Variants in HELZ observed in about 807,000 individuals in gnomAD.
HELZ encodes the protein helicase with zinc finger, also known as ATP-dependent RNA helicase with zinc finger domain.
A neutral mutation model predicts 218.2 loss-of-function variants in HELZ; 23 were observed. That is an observed-to-expected ratio of 0.11 (90% CI 0.08 to 0.15). The LOEUF (loss-of-function observed/expected upper bound fraction) is 0.15. Ranked by LOEUF, HELZ falls within the 10% of genes least tolerant of loss-of-function variation. HELZ has a pLI of 1.00. For synonymous variants in HELZ, 814 were observed against 829.4 expected, an observed-to-expected ratio of 0.98 and a Z score of 0.32; for missense variants, 1,813 against 2,353.7, an observed-to-expected ratio of 0.77 and a Z score of 4.75.
At chr17:67,215,585 G>A (rs867853108) in intron 5 of HELZ, among the ~76,000 whole-genome samples, 6 of 152,102 alleles carry the variant, frequency 3.9e-5, no homozygotes, top group African/African-American at 1.4e-4. Flanking sequence ...CAGATCTTGT[G>A]ATCTGCCCGC....
intron 17 of HELZ, among the ~76,000 whole-genome samples, chr17:67,151,479 G>T (rs2038681058): frequency 6.6e-6 from 1 of 152,174 alleles, no homozygotes; most frequent in Admixed American, 6.5e-5. Context: ...TTATTTTTAA[G>T]TGTTCAGAGT....
At chr17:67,139,893 G>A (rs2038269339) in intron 21 of HELZ, among the ~76,000 whole-genome samples, 1 of 152,146 alleles carries the variant, frequency 6.6e-6, no homozygotes, top group South Asian at 2.1e-4. Flanking sequence ...CCTATGATAA[G>A]CAGTTGGTAG....
At position 67,178,938 on chromosome 17, in the gene HELZ, C is replaced by T. The variant is rs1233090243; in HGVS notation, c.1163-12G>A. ...CAGGTATTCGAGATCTAAATGGAAA[C>T]AAAAAACACATTTATAAAGAAACAG... On this transcript the variant is annotated splice_polypyrimidine_tract_variant and intron_variant, in intron 12 of 32. Coordinates refer to ENST00000358691, the MANE Select transcript of HELZ (RefSeq NM_014877.4). 6.5e-7 allele frequency: 1 copy of T among 1,539,056 alleles called. No homozygotes were observed. The highest frequency in any genetic ancestry group is 1.4e-5 in the African/African-American group (1 of 71,904).
chr17:67,206,584 T>C (rs2040302481), intron 5 of HELZ, among the ~76,000 whole-genome samples: 1 of 151,112 alleles, frequency 6.6e-6, no homozygotes, highest in Non-Finnish European at 1.5e-5. Flanking sequence ...TTCAGTAATA[T>C]GACCATATTA....
rs1047516928 is a variant in HELZ, at chr17:67,224,754, G to A, written c.-18-5932C>T. ...TGGTGAACGTTGCTAAAACCCGCCG[G>A]ACTTTCTGTAAGAAGTGTGGCAAGC... is the stretch of plus-strand genomic sequence containing the variant. On this transcript the variant is annotated intron_variant, in intron 3 of 32. Transcript: ENST00000358691. 1.8e-5 allele frequency: 21 copies of A among 1,157,424 alleles called. No individual in the cohort carries two copies. The African/African-American group carries it at 3.2e-4, about 18-fold the overall frequency. 71.7% of individuals were successfully genotyped at this position (1,157,424 alleles called of 1,614,324 possible). A position where few individuals can be genotyped will look rare whatever the true frequency, so the allele number is the denominator to read the frequency against.
chr17:67,095,534 CA>C (rs2036716789), intron 31 of HELZ, among the ~76,000 whole-genome samples: 1 of 152,180 alleles, frequency 6.6e-6, no homozygotes, highest in East Asian at 1.9e-4. Context: ...GGTGACGAAG[CA>C]AGACCCTTCT....
chr17:67,185,227 T>C (rs767352906), intron 12 of HELZ, among the ~76,000 whole-genome samples: 2 of 152,202 alleles, frequency 1.3e-5, no homozygotes, highest in Non-Finnish European at 2.9e-5. Context: ...TCTCAGAACA[T>C]TTTATAAAAT....
chr17:67,198,081 AATAG>A (rs1306397357), intron 7 of HELZ, among the ~76,000 whole-genome samples: 2 of 152,210 alleles, frequency 1.3e-5, no homozygotes, highest in Admixed American at 6.5e-5. Context: ...AACATATATA[AATAG>A]ATAGGCTAAA....
upstream of HELZ, chr17:67,245,556 T>C: frequency 1.0e-6 from 1 of 979,730 alleles, no homozygotes; most frequent in Non-Finnish European, 1.2e-6. Context: ...GCGGAGCTGC[T>C]CGCGGATTTA....
intron 2 of HELZ, among the ~76,000 whole-genome samples, chr17:67,240,907 C>CAT (rs1196088461): frequency 6.6e-6 from 1 of 152,148 alleles, no homozygotes; most frequent in Non-Finnish European, 1.5e-5. Context: ...ATAGTTATTA[C>CAT]ATGTATATAT....
chr17:67,100,333 T>C (rs1308819197), intron 31 of HELZ, among the ~76,000 whole-genome samples: 1 of 152,180 alleles, frequency 6.6e-6, no homozygotes, highest in African/African-American at 2.4e-5. Context: ...GACACATCAC[T>C]GAAACATGTA....
intron 17 of HELZ, among the ~76,000 whole-genome samples, chr17:67,155,470 G>A (rs1397126367): frequency 6.6e-6 from 1 of 152,090 alleles, no homozygotes; most frequent in East Asian, 1.9e-4. Flanking sequence ...AAAACAGTAA[G>A]TATTATTAAT....
rs751599434 is a variant in HELZ, at chr17:67,201,120, T to C, written c.429+9A>G. On this transcript the variant is annotated intron_variant, in intron 7 of 32. Coordinates refer to ENST00000358691, the MANE Select transcript of HELZ (RefSeq NM_014877.4). ...ACTCTTCCAAACGGATCCACTGAAA[T>C]GGCCTTACCTCTGTTTCTGAGAGAA... The C allele has an allele frequency of 1.3e-6, 2 of 1,581,226 alleles. No individual in the cohort carries two copies. The highest frequency in any genetic ancestry group is 1.7e-6 in the Non-Finnish European group (2 of 1,150,006).
At chr17:67,142,535 G>A (rs1482163400) in intron 21 of HELZ, among the ~76,000 whole-genome samples, 1 of 151,916 alleles carries the variant, frequency 6.6e-6, no homozygotes, top group Non-Finnish European at 1.5e-5. Flanking sequence ...AACAGGCAGA[G>A]ATTTTCAAAC....
At chr17:67,144,015 C>T (rs1274691297) in intron 21 of HELZ, among the ~76,000 whole-genome samples, 3 of 152,086 alleles carry the variant, frequency 2.0e-5, no homozygotes, top group Non-Finnish European at 4.4e-5. Context: ...AAATGCCCTC[C>T]TAAGTATTAG....
chr17:67,193,590 C>CCT (rs1378282565), intron 9 of HELZ, among the ~76,000 whole-genome samples: 9 of 152,046 alleles, frequency 5.9e-5, no homozygotes, highest in African/African-American at 2.2e-4. Context: ...GTGGCACATG[C>CCT]CTGTAATCCC....
At chr17:67,211,189 T>C (rs2040440427) in intron 5 of HELZ, among the ~76,000 whole-genome samples, 1 of 152,146 alleles carries the variant, frequency 6.6e-6, no homozygotes, top group South Asian at 2.1e-4. Flanking sequence ...ATTCCAACTT[T>C]AAAATTTTAT....
intron 31 of HELZ, among the ~76,000 whole-genome samples, chr17:67,089,668 T>TATATATATATATAGAGAGAGAGAGAG (rs71293575): frequency 2.8e-5 from 2 of 70,642 alleles, no homozygotes; most frequent in Admixed American, 1.6e-4. Context: ...TATATATATA[T>TATATATATATATAGAGAGAGAGAGAG]AGAGAGAGAG....
intron 3 of HELZ, among the ~76,000 whole-genome samples, chr17:67,227,215 T>C (rs2040917266): frequency 6.6e-6 from 1 of 151,518 alleles, no homozygotes; most frequent in African/African-American, 2.4e-5. Flanking sequence ...TTTTTTAAGA[T>C]GGAGTCTCAC....
Sources: allele counts gnomAD v4.1 joint callset (sites outside exome capture counted in the v4.1 genomes callset), GRCh38; gene constraint gnomAD v4.1.1; transcripts MANE v1.5; gene names NCBI Gene and HGNC (gene_info 2026-07-23, HGNC 2026-07-21).